DNAH2: variants seen among roughly 807,000 people sequenced by gnomAD.
DNAH2 encodes the protein dynein axonemal heavy chain 2, also known as axonemal beta dynein heavy chain 2.
In DNAH2, 323 loss-of-function variants were observed where a neutral mutation model predicts 523.5. The ratio of observed to expected loss-of-function variants is 0.62; its 90% CI spans 0.56 to 0.68. DNAH2 has a LOEUF of 0.68. DNAH2 is among the 30% of genes least tolerant of loss of function. DNAH2 has a pLI of 0.00. For synonymous variants in DNAH2, 2,093 were observed against 2,177.4 expected (o/e 0.96, Z 1.08); for missense variants, 4,907 against 5,701.5 (o/e 0.86, Z 4.49).
intron 12 of DNAH2, among the ~76,000 whole-genome samples, chr17:7,755,957 C>T (rs2075823576): frequency 6.6e-6 from 1 of 151,850 alleles, no homozygotes; most frequent in Non-Finnish European, 1.5e-5. Context: ...GAAAAAAAGG[C>T]CAGGAGTGGT....
At position 7,759,607 on chromosome 17, in the gene DNAH2, A is replaced by G. The variant is rs755736301; in HGVS notation, c.2634A>G (p.Ala878=). The part of the protein sequence containing the change: ...ILKNDLQGSV[A]QVEFSPTLQT... ...AGAATGATCTGCAAGGAAGTGTGGC[A>G]CAGGTAAGAACCACTTTGCCCCCAA... is the stretch of plus-strand genomic sequence containing the variant. The change falls in exon 16 of 86, where the codon GCA becomes GCG. Residue 878 remains alanine, a synonymous_variant. Transcript: ENST00000572933. 3 of 1,613,156 alleles carry G rather than the reference A, an allele frequency of 1.9e-6. No individual in the cohort carries two copies. In the Admixed American group the frequency reaches 5.0e-5, roughly 27 times the overall value.
In DNAH2 at chr17:7,778,325, C is replaced by G; in HGVS notation, c.5397C>G (p.Gly1799=). The G allele has an allele frequency of 6.2e-7, 1 of 1,614,218 alleles. No homozygotes were observed. The change falls in exon 35 of 86, where the codon GGC becomes GGG. Residue 1799 remains glycine (G), a synonymous_variant. Transcript: ENST00000572933. The part of the protein sequence containing the change: ...LTTALHLHRG[G]SPKGPAGTGK... Reference sequence around the variant, plus strand: ...CGGCATTGCACCTGCACCGAGGGGGCTCCCCCAAAGGCCCTGCAGGCACAG... The same window carrying G: ...CGGCATTGCACCTGCACCGAGGGGGGTCCCCCAAAGGCCCTGCAGGCACAG...
chr17:7,820,513 A>G (rs1174507746), intron 72 of DNAH2, among the ~76,000 whole-genome samples: 1 of 152,040 alleles, frequency 6.6e-6, no homozygotes, highest in Non-Finnish European at 1.5e-5. Context: ...GCTTTTGCTC[A>G]TGCTGTGATC....
intron 4 of DNAH2, among the ~76,000 whole-genome samples, chr17:7,732,087 A>G (rs910488389): frequency 6.6e-6 from 1 of 151,684 alleles, no homozygotes; most frequent in Non-Finnish European, 1.5e-5. Context: ...CTGGGTAGTA[A>G]GAAGACAGAT....
In DNAH2 at chr17:7,796,551, G is replaced by T. The variant is rs761957433; in HGVS notation, c.7762G>T (p.Val2588Leu). 1 of 1,613,646 alleles carries T rather than the reference G, an allele frequency of 6.2e-7. No individual in the cohort carries two copies. The highest frequency in any genetic ancestry group is 1.1e-5 in the South Asian group (1 of 91,040). The part of the protein sequence containing the change: ...EEEVKPIGNV[V>L]TEATLDMYNT... ...AGAGGTGAAGCCCATTGGGAACGTG[G>T]TGACAGAGGCCACCCTGGACATGTA... The change falls in exon 50 of 86, where the codon GTG (valine) becomes TTG (leucine). Residue 2588 changes from valine (V) to leucine (L), a missense_variant. Transcript: ENST00000572933.
At chr17:7,725,726 G>C (rs977593326) in intron 3 of DNAH2, among the ~76,000 whole-genome samples, 29 of 128,678 alleles carry the variant, frequency 2.3e-4, no homozygotes, top group Admixed American at 9.2e-4. Flanking sequence ...TGGGATTACA[G>C]GCATGAGCCA....
At chr17:7,737,032 G>A in intron 7 of DNAH2, 35 bp from the exon 8 acceptor site, 1 of 1,572,910 alleles carries the variant, frequency 6.4e-7, no homozygotes, top group Non-Finnish European at 8.7e-7. Flanking sequence ...GCTTTCTAGT[G>A]CATAAATCTA....
intron 20 of DNAH2, among the ~76,000 whole-genome samples, chr17:7,765,034 C>G (rs2151207408): frequency 6.6e-6 from 1 of 152,160 alleles, no homozygotes; most frequent in South Asian, 2.1e-4. Context: ...GCTGGGATCA[C>G]AGGCGTGAGC....
intron 4 of DNAH2, among the ~76,000 whole-genome samples, chr17:7,729,240 G>T (rs2074915015): frequency 6.6e-6 from 1 of 152,032 alleles, no homozygotes; most frequent in Non-Finnish European, 1.5e-5. Flanking sequence ...GAGTGAACTT[G>T]AGAGGGTGTA....
At chr17:7,741,414 A>G (rs1204038544) in intron 11 of DNAH2, among the ~76,000 whole-genome samples, 11 of 142,688 alleles carry the variant, frequency 7.7e-5, no homozygotes, top group African/African-American at 2.9e-4. Context: ...CTGGAGTGCA[A>G]TGGCTCGATC....
rs774777758 is a variant in DNAH2 at position 7,740,553 on chromosome 17, C to T, written c.1506+4C>T. 104 of 1,612,452 alleles carry T rather than the reference C, an allele frequency of 6.4e-5. No homozygotes were observed. Among genetic ancestry groups the T allele is most frequent in the Non-Finnish European group, 8.4e-5 (99 of 1,179,836 alleles). On this transcript the variant is annotated splice_donor_region_variant and intron_variant, in intron 10 of 85. Transcript: ENST00000572933. ...CCACAGGCTTGCCTCCCGCGAGGTG[C>T]GGCTGCCCCGCGGCTTCCTCGGCTT...
At chr17:7,777,401 C>T (rs745546159) in intron 32 of DNAH2, 45 bp from the exon 33 acceptor site, 7 of 1,604,614 alleles carry the variant, frequency 4.4e-6, no homozygotes, top group Admixed American at 1.7e-5. Context: ...CAGGCTTTGG[C>T]GGCATTGCTC....
rs1267782056 is a variant in DNAH2, at chr17:7,807,263, A to G, written c.9556A>G (p.Ile3186Val). The part of the protein sequence containing the change: ...CAQPDFQPDI[I>V]GRVSLAAKSL... ...CCAGCCTGACTTCCAGCCTGATATC[A>G]TCGGCCGCGTCTCCCTGGCTGCCAA... The change falls in exon 62 of 86, where the codon ATC (isoleucine) becomes GTC (valine). Residue 3186 changes from isoleucine (I) to valine (V), a missense_variant. By Grantham distance (29) the Ile-to-Val change is conservative. Transcript: ENST00000572933. The surrounding 1 kb of genome is among the most constrained non-coding windows in gnomAD (Gnocchi z 5.6). 5.0e-6 allele frequency: 8 copies of G among 1,613,962 alleles called. No homozygotes were observed. The highest frequency in any genetic ancestry group is 5.9e-6 in the Non-Finnish European group (7 of 1,180,032).
intron 5 of DNAH2, 27 bp from the exon 6 acceptor site, chr17:7,734,156 C>G (rs1320333278): frequency 1.3e-6 from 2 of 1,558,036 alleles, no homozygotes; most frequent in East Asian, 4.8e-5. Flanking sequence ...CCCCTCTGTC[C>G]ACTTCCACAA....
Position 7,774,964 on chromosome 17 carries a change from G to A in DNAH2, c.4707G>A (p.Leu1569=). 2 of 1,613,864 alleles carry A rather than the reference G, an allele frequency of 1.2e-6. No individual in the cohort carries two copies. The highest frequency in any genetic ancestry group is 1.7e-6 in the Non-Finnish European group (2 of 1,180,040). Residue 1569 remains leucine, a synonymous_variant, in exon 29 of 86, where the codon CTG becomes CTA. Transcript: ENST00000572933. Reference sequence around the variant, plus strand: ...AATGCTTTGACAACATCAAGTTGCTGAGAATCCAGAAGGTCAGTAGAAGTG... The same window carrying A: ...AATGCTTTGACAACATCAAGTTGCTAAGAATCCAGAAGGTCAGTAGAAGTG... The part of the protein sequence containing the change: ...LKKCFDNIKL[L]RIQKVGGPSS...
Position 7,760,732 on chromosome 17 carries a change from C to A in DNAH2, c.2786-8C>A. On this transcript the variant is annotated splice_polypyrimidine_tract_variant and splice_region_variant and intron_variant, in intron 17 of 85. Coordinates refer to ENST00000572933, the MANE Select transcript of DNAH2 (RefSeq NM_020877.5). The surrounding 1 kb of genome is among the most constrained non-coding windows in gnomAD (Gnocchi z 4.0). ...TCAGTGAGAAGCATCTTTCTTGGTC[C>A]TTTGAAGAGCAAGATGAGGACATCA... 6.2e-7 allele frequency: 1 copy of A among 1,611,144 alleles called. No homozygotes were observed. Among genetic ancestry groups the A allele is most frequent in the Non-Finnish European group, 8.5e-7 (1 of 1,178,198 alleles).
intron 18 of DNAH2, among the ~76,000 whole-genome samples, chr17:7,761,472 T>C (rs2076003155): frequency 2.0e-5 from 3 of 152,108 alleles, no homozygotes; most frequent in Non-Finnish European, 4.4e-5. Context: ...AGATTCTATG[T>C]TGCCCACTCA....
At chr17:7,824,011 G>C in intron 75 of DNAH2, 29 bp downstream of exon 75, 6 of 1,604,042 alleles carry the variant, frequency 3.7e-6, no homozygotes, top group Non-Finnish European at 4.3e-6. Context: ...TTGTCCCCAC[G>C]GCCCATGGGT....
intron 63 of DNAH2, among the ~76,000 whole-genome samples, chr17:7,812,767 CAAAAAAAA>C (rs59534940): frequency 8.4e-5 from 2 of 23,820 alleles, no homozygotes; most frequent in Admixed American, 7.2e-4. Context: ...CTAAAAATAC[CAAAAAAAA>C]AAAAAAAAAA....
Sources: allele counts gnomAD v4.1 joint callset (sites outside exome capture counted in the v4.1 genomes callset), GRCh38; gene constraint gnomAD v4.1.1; non-coding constraint Gnocchi (gnomAD v3.1); transcripts MANE v1.5; gene names NCBI Gene and HGNC (gene_info 2026-07-23, HGNC 2026-07-21).